The following CNTN5 variants were observed in gnomAD, a reference collection of about 807,000 sequenced individuals.
CNTN5 encodes the protein contactin 5.
In CNTN5, 77 loss-of-function variants were observed where a neutral mutation model predicts 129.1. The ratio of observed to expected loss-of-function variants is 0.60; its 90% CI spans 0.50 to 0.72. CNTN5 has a LOEUF of 0.72. Ranked by LOEUF, CNTN5 falls within the 30% of genes least tolerant of loss-of-function variation. The pLI is 0.00. For missense variants in CNTN5, 1,478 were observed against 1,328.8 expected (o/e 1.11, Z -1.75); for synonymous variants, 509 against 465.6 (o/e 1.09, Z -1.20).
intron 1 of CNTN5, among the ~76,000 whole-genome samples, chr11:99,116,464 T>C (rs1194204436): frequency 6.6e-6 from 1 of 152,192 alleles, no homozygotes; most frequent in African/African-American, 2.4e-5. Flanking sequence ...GTGGTATAGC[T>C]GACATTGTTT....
intron 3 of CNTN5, among the ~76,000 whole-genome samples, chr11:99,751,154 T>C (rs892936030): frequency 6.6e-6 from 1 of 152,038 alleles, no homozygotes; most frequent in Non-Finnish European, 1.5e-5. Context: ...CTGACCAACA[T>C]AGTGAAATCT....
chr11:99,767,308 G>C (rs1189976280), intron 3 of CNTN5, among the ~76,000 whole-genome samples: 1 of 152,048 alleles, frequency 6.6e-6, no homozygotes, highest in Non-Finnish European at 1.5e-5. Context: ...GAGAGAGAGA[G>C]AGACAGACTA....
In CNTN5 at chr11:99,563,646, G is replaced by A. The variant is rs544473649; in HGVS notation, c.55+7377G>A. 5.9e-5 allele frequency among the ~76,000 whole-genome samples: 9 copies of A among 152,246 alleles called. 1 individual carries two copies. In the East Asian group the frequency reaches 1.7e-3, roughly 29 times the overall value. ...GTCTGGGCAGCCTCAGTTTATCTCT[G>A]CAGTACCCATGACGCACTTGATGGT... On this transcript the variant is annotated intron_variant, in intron 3 of 24. Coordinates refer to ENST00000524871, the MANE Select transcript of CNTN5 (RefSeq NM_014361.4).
chr11:100,260,972 A>G (rs994424488), intron 17 of CNTN5, among the ~76,000 whole-genome samples: 9 of 152,254 alleles, frequency 5.9e-5, no homozygotes, highest in Middle Eastern at 6.8e-3. Flanking sequence ...AAAGAAATAA[A>G]TGGTATTCAA....
chr11:99,158,627 A>G (rs1235212996), intron 1 of CNTN5, among the ~76,000 whole-genome samples: 3 of 152,192 alleles, frequency 2.0e-5, no homozygotes, highest in Admixed American at 6.5e-5. Context: ...CTAAGAAAAC[A>G]TTGTTCTAAT....
At chr11:100,137,376 T>C (rs916586032) in intron 13 of CNTN5, among the ~76,000 whole-genome samples, 3 of 152,118 alleles carry the variant, frequency 2.0e-5, no homozygotes, top group Non-Finnish European at 4.4e-5. Flanking sequence ...AACTATTAAT[T>C]CAATTTAAAA....
chr11:99,108,239 C>T (rs1565323355), intron 1 of CNTN5, among the ~76,000 whole-genome samples: 2 of 152,128 alleles, frequency 1.3e-5, no homozygotes, highest in Non-Finnish European at 2.9e-5. Context: ...CTTCTAAAGA[C>T]ACTTTAATGC....
At chr11:99,990,935 T>G (rs1218862237) in intron 8 of CNTN5, among the ~76,000 whole-genome samples, 1 of 152,164 alleles carries the variant, frequency 6.6e-6, no homozygotes, top group East Asian at 1.9e-4. Context: ...TCTGATTGCT[T>G]CAGTGTTGCA....
chr11:99,497,826 T>C (rs1591166158), intron 2 of CNTN5, among the ~76,000 whole-genome samples: 1 of 152,274 alleles, frequency 6.6e-6, no homozygotes, highest in East Asian at 1.9e-4. Context: ...AATCATCGTT[T>C]TCACATCAGA....
intron 3 of CNTN5, among the ~76,000 whole-genome samples, chr11:99,748,514 C>T (rs925792060): frequency 1.3e-5 from 2 of 152,088 alleles, no homozygotes; most frequent in Non-Finnish European, 2.9e-5. Flanking sequence ...ACAATATGCT[C>T]TGTGCAAGCT....
intron 16 of CNTN5, among the ~76,000 whole-genome samples, chr11:100,234,786 A>C (rs1303617192): frequency 7.3e-6 from 1 of 136,876 alleles, no homozygotes; most frequent in Non-Finnish European, 1.6e-5. Flanking sequence ...CATGTATCCC[A>C]GAATTTAAAA....
intron 6 of CNTN5, among the ~76,000 whole-genome samples, chr11:99,850,269 G>A (rs1947830904): frequency 6.6e-6 from 1 of 151,904 alleles, no homozygotes; most frequent in Admixed American, 6.6e-5. Flanking sequence ...ATAACATACA[G>A]TGAGGACCTA....
chr11:99,255,793 C>A (rs999512871), intron 1 of CNTN5, among the ~76,000 whole-genome samples: 5 of 151,176 alleles, frequency 3.3e-5, no homozygotes, highest in African/African-American at 1.2e-4. Context: ...TGCATAAACA[C>A]ACACACGCAC....
chr11:100,166,998 A>G (rs970315696), intron 13 of CNTN5, among the ~76,000 whole-genome samples: 5 of 151,888 alleles, frequency 3.3e-5, no homozygotes, highest in African/African-American at 9.6e-5. Flanking sequence ...GCAGAAGAAG[A>G]CTTAGACCCC....
At chr11:99,211,764 T>C (rs1236224090) in intron 1 of CNTN5, among the ~76,000 whole-genome samples, 2 of 152,148 alleles carry the variant, frequency 1.3e-5, no homozygotes, top group Admixed American at 6.6e-5. Context: ...CCTTTTAATG[T>C]TTTCATAGCA....
At chr11:99,690,949 C>G (rs932450546) in intron 3 of CNTN5, among the ~76,000 whole-genome samples, 1 of 151,858 alleles carries the variant, frequency 6.6e-6, no homozygotes, top group African/African-American at 2.4e-5. Context: ...TCATTTTGGT[C>G]TACTCAGGGA....
chr11:99,887,662 G>C (rs991181604), intron 6 of CNTN5, among the ~76,000 whole-genome samples: 2 of 152,230 alleles, frequency 1.3e-5, no homozygotes, highest in African/African-American at 4.8e-5. Context: ...CTGGTCTGTG[G>C]CCGAAGGCCT....
intron 1 of CNTN5, among the ~76,000 whole-genome samples, chr11:99,162,200 G>A (rs899190857): frequency 1.3e-5 from 2 of 151,884 alleles, no homozygotes; most frequent in East Asian, 3.9e-4. Context: ...TGTTTTCTCT[G>A]GCTTCTGTGC....
rs1946643776 is a variant in CNTN5 at position 100,140,064 on chromosome 11, A to T, written c.1581-51062A>T. ...TTATCAAGAGAAAGAGAGGAAGTAG[A>T]GTAGAAACAAGGGCATCCCTTAACA... On this transcript the variant is annotated intron_variant, in intron 13 of 24. Coordinates refer to ENST00000524871, the MANE Select transcript of CNTN5 (RefSeq NM_014361.4). Among the ~76,000 whole-genome samples the T allele has an allele frequency of 3.9e-5, 6 of 152,166 alleles. No homozygotes were observed. The South Asian group carries it at 1.2e-3, about 31-fold the overall frequency.
Sources: gnomAD v4.1 joint callset for allele counts (sites outside exome capture counted in the v4.1 genomes callset) on GRCh38, gnomAD v4.1.1 for gene constraint, MANE v1.5 for transcripts, NCBI Gene and HGNC (gene_info 2026-07-23, HGNC 2026-07-21) for gene names.